The following TAPT1 variants were observed in gnomAD, a reference collection of about 807,000 sequenced individuals.
TAPT1 encodes the protein transmembrane anterior posterior transformation 1.
A neutral mutation model predicts 65.6 loss-of-function variants in TAPT1; 28 were observed. That is an observed-to-expected ratio of 0.43 (90% CI 0.32 to 0.59). The LOEUF is 0.59. TAPT1 is among the 20% of genes least tolerant of loss of function. TAPT1 has a pLI of 0.09. For synonymous variants in TAPT1, 278 were observed against 245.2 expected (o/e 1.13, Z -1.25); for missense variants, 563 against 679.9 (o/e 0.83, Z 1.91).
At position 16,165,901 on chromosome 4, in the gene TAPT1, AC is replaced by A. The variant is rs1260272540; in HGVS notation, c.1474+731del. Among the ~76,000 whole-genome samples the A allele has an allele frequency of 2.6e-5, 4 of 152,028 alleles. No homozygotes were observed. In the East Asian group the frequency reaches 7.7e-4, roughly 29 times the overall value. On this transcript the variant is annotated intron_variant, in intron 13 of 13. Transcript: ENST00000405303. ...CCCACCCCTCTGGAGTTTATTTTCC[AC>A]AAAGCTTGAGAATGATCCTTTTAAA...
intron 1 of TAPT1, among the ~76,000 whole-genome samples, chr4:16,214,260 T>C (rs1161495232): frequency 1.3e-5 from 2 of 152,066 alleles, no homozygotes; most frequent in Non-Finnish European, 2.9e-5. Flanking sequence ...TAGAGCAATA[T>C]ATAGAGTCAA....
intron 3 of TAPT1, among the ~76,000 whole-genome samples, chr4:16,202,197 T>C (rs1422617906): frequency 6.6e-6 from 1 of 152,086 alleles, no homozygotes; most frequent in Non-Finnish European, 1.5e-5. Context: ...CTTTCTACAC[T>C]GCTACAAAGC....
intron 3 of TAPT1, among the ~76,000 whole-genome samples, chr4:16,198,514 G>C (rs1273176808): frequency 6.6e-6 from 1 of 151,766 alleles, no homozygotes; most frequent in Non-Finnish European, 1.5e-5. Context: ...AAAGAGACTA[G>C]GAAGACAGTA....
intron 3 of TAPT1, among the ~76,000 whole-genome samples, chr4:16,192,930 T>A (rs546654400): frequency 1.3e-5 from 2 of 152,366 alleles, no homozygotes; most frequent in East Asian, 3.9e-4. Flanking sequence ...AGCTCTTTCC[T>A]AATGCTTTTC....
chr4:16,217,692 T>C (rs1402075289), intron 1 of TAPT1, among the ~76,000 whole-genome samples: 27 of 152,184 alleles, frequency 1.8e-4, no homozygotes, highest in East Asian at 1.9e-4. Context: ...AACGTACCAA[T>C]ATAAAACAAA....
intron 4 of TAPT1, chr4:16,190,014 A>G (rs1749268827): frequency 6.6e-6 from 1 of 152,324 alleles, no homozygotes; most frequent in African/African-American, 2.4e-5. Flanking sequence ...CTGTTTCACA[A>G]ACTTTGTCCC....
intron 13 of TAPT1, among the ~76,000 whole-genome samples, chr4:16,165,469 C>T (rs1747542746): frequency 6.6e-6 from 1 of 151,568 alleles, no homozygotes; most frequent in African/African-American, 2.4e-5. Context: ...ACTCGAGAGG[C>T]CGAGGCAGGA....
intron 11 of TAPT1, among the ~76,000 whole-genome samples, chr4:16,171,611 G>T (rs550614154): frequency 6.6e-6 from 1 of 152,240 alleles, no homozygotes; most frequent in South Asian, 2.1e-4. Context: ...AAGAACAATT[G>T]GGAAGAGCTG....
chr4:16,174,087 T>C (rs984783536), intron 11 of TAPT1, 117 bp downstream of exon 11: 9 of 869,480 alleles, frequency 1.0e-5, no homozygotes, highest in African/African-American at 6.9e-5. Flanking sequence ...TTCCAAGTTA[T>C]TTACCCTTAA....
intron 2 of TAPT1, among the ~76,000 whole-genome samples, chr4:16,209,969 T>A (rs1376071905): frequency 6.6e-6 from 1 of 152,198 alleles, no homozygotes; most frequent in Non-Finnish European, 1.5e-5. Flanking sequence ...AAACTGGTGC[T>A]CCCTGCCCTT....
rs114659877 is a variant in TAPT1 at position 16,219,447 on chromosome 4, C to T, written c.200-5549G>A. On this transcript the variant is annotated intron_variant, in intron 1 of 13. Transcript: ENST00000405303. ...CAGGCCCCATGTATCCCTATATTCTCGAAGTCCAGCCCTGCCGGTGAGTTC... is the reference window on the plus strand; with the variant it reads ...CAGGCCCCATGTATCCCTATATTCTTGAAGTCCAGCCCTGCCGGTGAGTTC... Among the ~76,000 whole-genome samples the T allele has an allele frequency of 6.5e-3, 995 of 152,266 alleles. 14 individuals are homozygous for T. The highest frequency in any genetic ancestry group is 0.023 in the African/African-American group (945 of 41,554).
At chr4:16,184,826 T>C (rs879772011) in intron 7 of TAPT1, among the ~76,000 whole-genome samples, 3 of 152,250 alleles carry the variant, frequency 2.0e-5, no homozygotes, top group African/African-American at 7.2e-5. Context: ...CCTTTCATTA[T>C]TGATTGGTAT....
chr4:16,191,415 G>A lies in TAPT1; in HGVS notation c.558C>T (p.His186=), dbSNP rs1430983331. 1 of 1,597,664 alleles carries A rather than the reference G, an allele frequency of 6.3e-7. No individual in the cohort carries two copies. Among genetic ancestry groups the A allele is most frequent in the Non-Finnish European group, 8.5e-7 (1 of 1,172,022 alleles). Residue 186 remains histidine, a synonymous_variant, in exon 4 of 14, where the codon CAC becomes CAT. Coordinates refer to ENST00000405303, the MANE Select transcript of TAPT1 (RefSeq NM_153365.3). The part of the protein sequence containing the change: ...MHYVDYSMMY[H]LIRGQSVIKL... Reference sequence around the variant, plus strand: ...TGATGACGGACTGCCCCCTTATCAGGTGGTACATCATGGAGTAGTCAACAT... The same window carrying A: ...TGATGACGGACTGCCCCCTTATCAGATGGTACATCATGGAGTAGTCAACAT...
At chr4:16,172,980 C>T (rs768288753) in intron 11 of TAPT1, among the ~76,000 whole-genome samples, 1 of 151,924 alleles carries the variant, frequency 6.6e-6, no homozygotes, top group Non-Finnish European at 1.5e-5. Flanking sequence ...CCTGCCACCA[C>T]GCCTGACTAA....
chr4:16,226,104 C>A, intron 1 of TAPT1, 155 bp downstream of exon 1: 1 of 1,028,036 alleles, frequency 9.7e-7, no homozygotes, highest in Non-Finnish European at 1.2e-6. Flanking sequence ...GGAGCCTCGG[C>A]AGCCTCGGCG....
At position 16,166,723 on chromosome 4, in the gene TAPT1, T is replaced by C; in HGVS notation, c.1384A>G (p.Lys462Glu). 1 of 1,614,004 alleles carries C rather than the reference T, an allele frequency of 6.2e-7. No individual in the cohort carries two copies. Among genetic ancestry groups the C allele is most frequent in the Non-Finnish European group, 8.5e-7 (1 of 1,179,904 alleles). The part of the protein sequence containing the change: ...GKSCQYVKEA[K>E]MEEKLSNPPA... Reference sequence around the variant, plus strand: ...GGATTCGACAGCTTCTCTTCCATTTTGGCTTCCTTCACATACTGGCACGAT... The same window carrying C: ...GGATTCGACAGCTTCTCTTCCATTTCGGCTTCCTTCACATACTGGCACGAT... Residue 462 changes from lysine to glutamate, a missense_variant, in exon 13 of 14, where the codon AAA becomes GAA. By Grantham distance (56) the Lys-to-Glu change is moderately conservative. Coordinates refer to ENST00000405303, the MANE Select transcript of TAPT1 (RefSeq NM_153365.3).
rs36090537 is a variant in TAPT1 at position 16,190,923 on chromosome 4, CAT to C, written c.612+436_612+437del. On this transcript the variant is annotated intron_variant, in intron 4 of 13. Transcript: ENST00000405303. ...TAAAATGTGTATTTCTTACAGCAAA[CAT>C]ATACATAATCATAACATTTACTTCA... 1,530 of 157,182 alleles carry C rather than the reference CAT, an allele frequency of 9.7e-3. 25 individuals carry two copies. Among genetic ancestry groups the C allele is most frequent in the African/African-American group, 0.036 (1,481 of 41,688 alleles). 9.7% of individuals were successfully genotyped at this position (157,182 alleles called of 1,614,324 possible).
intron 8 of TAPT1, among the ~76,000 whole-genome samples, chr4:16,177,075 A>G (rs774133056): frequency 4.6e-5 from 7 of 152,236 alleles, no homozygotes; most frequent in South Asian, 2.1e-4. Flanking sequence ...TGATAGATAG[A>G]TAAGTAGGGT....
At chr4:16,196,614 C>CA in intron 3 of TAPT1, 3 of 1,069,002 alleles carry the variant, frequency 2.8e-6, no homozygotes, top group Non-Finnish European at 3.8e-6. Flanking sequence ...TAATGAATGT[C>CA]AATTTGGCCA....
Sources: allele counts gnomAD v4.1 joint callset (sites outside exome capture counted in the v4.1 genomes callset), GRCh38; gene constraint gnomAD v4.1.1; transcripts MANE v1.5; gene names NCBI Gene and HGNC (gene_info 2026-07-23, HGNC 2026-07-21).